JAK1: variants seen among roughly 807,000 people sequenced by gnomAD.
JAK1 encodes the protein tyrosine-protein kinase JAK1.
A neutral mutation model predicts 136.6 loss-of-function variants in JAK1; 16 were observed. The ratio of observed to expected loss-of-function variants is 0.12; its 90% CI spans 0.08 to 0.18. The LOEUF is 0.18. Ranked by LOEUF, JAK1 falls within the 10% of genes least tolerant of loss-of-function variation. JAK1 has a pLI of 1.00. For missense variants in JAK1, 859 were observed against 1,450.1 expected (o/e 0.59, Z 6.62); for synonymous variants, 492 against 519.5 (o/e 0.95, Z 0.72).
chr1:64,839,611 G>A lies in JAK1; in HGVS notation c.2834C>T (p.Thr945Ile), dbSNP rs2100959202. The change falls in exon 20 of 25, where the codon ACA becomes ATA. Residue 945 changes from threonine to isoleucine, a missense_variant. Around this residue, in one of 4 missense-constraint regions of JAK1, gnomAD observed 409 missense variants for 753.8 expected, o/e 0.54. Transcript: ENST00000342505. ...ENIVKYKGIC[T>I]EDGGNGIKLI... ...AGCCTTGCATAACATACCGTCTTCT[G>A]TGCAGATTCCTTTGTACTTCACAAT... 6.2e-7 allele frequency: 1 copy of A among 1,613,848 alleles called. No individual in the cohort carries two copies. The highest frequency in any genetic ancestry group is 8.5e-7 in the Non-Finnish European group (1 of 1,179,804).
At chr1:64,986,466 C>A (rs556626815) in intron 2 of JAK1, among the ~76,000 whole-genome samples, 2 of 152,060 alleles carry the variant, frequency 1.3e-5, no homozygotes, top group Admixed American at 6.6e-5. Flanking sequence ...CCAGAGACAC[C>A]TTTTTCAACC....
chr1:64,898,067 C>T (rs2101440877), intron 1 of JAK1, among the ~76,000 whole-genome samples: 1 of 152,276 alleles, frequency 6.6e-6, no homozygotes, highest in South Asian at 2.1e-4. Context: ...GCTATACACA[C>T]ATACAAAAAG....
At chr1:64,957,593 G>C (rs911825832) in intron 1 of JAK1, among the ~76,000 whole-genome samples, 1 of 152,144 alleles carries the variant, frequency 6.6e-6, no homozygotes, top group Non-Finnish European at 1.5e-5. Flanking sequence ...GGCGGATCAC[G>C]AGGTCAGGAG....
intron 2 of JAK1, among the ~76,000 whole-genome samples, chr1:64,998,712 A>G (rs934999016): frequency 2.4e-4 from 37 of 152,300 alleles, no homozygotes; most frequent in African/African-American, 8.7e-4. Flanking sequence ...AATAAGTCTC[A>G]GGAGATCTGA....
At chr1:64,996,257 C>T (rs772661678) in intron 2 of JAK1, among the ~76,000 whole-genome samples, 33 of 152,238 alleles carry the variant, frequency 2.2e-4, no homozygotes, top group Non-Finnish European at 4.0e-4. Flanking sequence ...GCCATCATGC[C>T]CACCCTAGTT....
chr1:64,966,788 C>A (rs1305397446), upstream of JAK1, among the ~76,000 whole-genome samples: 1 of 150,806 alleles, frequency 6.6e-6, no homozygotes, highest in Non-Finnish European at 1.5e-5. Flanking sequence ...AGAAACTCAT[C>A]TAGGACGCGA....
intron 1 of JAK1, 122 bp downstream of exon 1, chr1:64,966,211 G>T (rs916101881): frequency 2.6e-5 from 4 of 151,762 alleles, no homozygotes; most frequent in Admixed American, 2.6e-4. Flanking sequence ...GAGCAGCCCG[G>T]GCCGCGCAGC....
Position 65,024,493 on chromosome 1 carries a change from G to A in JAK1, c.-78+19987C>T, listed in dbSNP as rs147279102. The stretch of plus-strand genomic sequence containing the variant: ...GAGTCCTAATTGATTCTTAACTTGG[G>A]TGAAATTGAATTGAGAGAGTCTGTT... On this transcript the variant is annotated intron_variant, in intron 2 of 25. Transcript: ENST00000671954. Among the ~76,000 whole-genome samples the A allele has an allele frequency of 2.6e-5, 4 of 152,014 alleles. No individual in the cohort carries two copies. The East Asian group carries it at 7.7e-4, about 29-fold the overall frequency.
chr1:65,018,122 C>G (rs1049149910), intron 2 of JAK1, among the ~76,000 whole-genome samples: 2 of 151,962 alleles, frequency 1.3e-5, no homozygotes, highest in African/African-American at 4.8e-5. Context: ...TGAACTGTGC[C>G]TTTTTAAAAT....
intron 2 of JAK1, chr1:64,990,505 G>C (rs1646644871): frequency 6.6e-6 from 1 of 151,964 alleles, no homozygotes; most frequent in Non-Finnish European, 1.5e-5. Flanking sequence ...AAACCCCAAA[G>C]AAGGAGAAGA....
At chr1:64,853,762 T>C (rs1460746104) in intron 11 of JAK1, among the ~76,000 whole-genome samples, 2 of 98,532 alleles carry the variant, frequency 2.0e-5, no homozygotes, top group African/African-American at 1.5e-4. Flanking sequence ...ATCCAGCAGC[T>C]CCTGCTACCT....
intron 2 of JAK1, among the ~76,000 whole-genome samples, chr1:65,032,442 C>T (rs1326492538): frequency 6.6e-6 from 1 of 152,080 alleles, no homozygotes; most frequent in East Asian, 1.9e-4. Context: ...TTACAGCGAG[C>T]CCTTTTGCAA....
chr1:64,846,627 C>T (rs771776090), intron 14 of JAK1, 22 bp downstream of exon 14: 3 of 1,601,642 alleles, frequency 1.9e-6, no homozygotes, highest in Admixed American at 3.3e-5. Flanking sequence ...CCACCCACCC[C>T]TTTGAAAGAG....
At chr1:65,028,857 G>C (rs75437417) in intron 2 of JAK1, among the ~76,000 whole-genome samples, 4,080 of 152,280 alleles carry the variant, frequency 0.027, 76 homozygotes, top group Non-Finnish European at 0.04. Flanking sequence ...ACAACTGGAA[G>C]TATGGAATTT....
chr1:64,874,880 G>C (rs1657299923), intron 4 of JAK1, among the ~76,000 whole-genome samples: 1 of 152,140 alleles, frequency 6.6e-6, no homozygotes, highest in Admixed American at 6.5e-5. Flanking sequence ...TCTCAGGCAT[G>C]TTTCTCGTAC....
chr1:65,050,491 GAC>G (rs1647253891), intron 1 of JAK1, among the ~76,000 whole-genome samples: 1 of 152,214 alleles, frequency 6.6e-6, no homozygotes, highest in African/African-American at 2.4e-5. Context: ...TTGATTCCCT[GAC>G]AAAGGCCAGG....
At chr1:65,065,637 C>T (rs1648006999) in intron 1 of JAK1, among the ~76,000 whole-genome samples, 1 of 151,062 alleles carries the variant, frequency 6.6e-6, no homozygotes, top group Admixed American at 6.6e-5. Flanking sequence ...GTTTTCCTCC[C>T]TTTTGGAATG....
chr1:64,961,417 G>A (rs930955413), intron 1 of JAK1, among the ~76,000 whole-genome samples: 1 of 152,118 alleles, frequency 6.6e-6, no homozygotes, highest in Non-Finnish European at 1.5e-5. Flanking sequence ...ATTTGCTAAC[G>A]ATGTTATTCT....
chr1:65,042,084 A>C (rs1647138867), intron 2 of JAK1, among the ~76,000 whole-genome samples: 1 of 152,064 alleles, frequency 6.6e-6, no homozygotes, highest in African/African-American at 2.4e-5. Flanking sequence ...GGAAAAGAAA[A>C]ACAAAACAAA....
Sources: allele counts gnomAD v4.1 joint callset (sites outside exome capture counted in the v4.1 genomes callset), GRCh38; gene constraint gnomAD v4.1.1; regional missense constraint gnomAD v4.1.1; transcripts MANE v1.5; gene names NCBI Gene and HGNC (gene_info 2026-07-23, HGNC 2026-07-21).